The following FBXL13 variants were observed in gnomAD, a reference collection of about 807,000 sequenced individuals.
The protein encoded by FBXL13 is F-box and leucine rich repeat protein 13, also known as F-box and leucine-rich repeat protein 13.
Under a neutral mutation model 83.6 loss-of-function variants are expected in FBXL13, and 67 were observed. The observed-to-expected ratio is 0.80, with a 90% CI of 0.66 to 0.98. The LOEUF (loss-of-function observed/expected upper bound fraction) is 0.98, where lower values mean the gene tolerates loss of function less well. Among genes scored for constraint, FBXL13 ranks in the 50% least tolerant of loss-of-function variants. The pLI, the probability that FBXL13 is intolerant of heterozygous loss-of-function variation, is 0.00. For missense variants in FBXL13, 822 were observed against 866.5 expected, an observed-to-expected ratio of 0.95 and a Z score of 0.64; for synonymous variants, 272 against 299.5, an observed-to-expected ratio of 0.91 and a Z score of 0.95.
chr7:102,881,582 G>T (rs1352809829), intron 14 of FBXL13, among the ~76,000 whole-genome samples: 1 of 148,208 alleles, frequency 6.7e-6, no homozygotes. Flanking sequence ...GTGTGGGGGG[G>T]GTGGGTGTCT....
intron 6 of FBXL13, among the ~76,000 whole-genome samples, chr7:102,993,291 T>G (rs1031306092): frequency 6.6e-6 from 1 of 152,246 alleles, no homozygotes; most frequent in Non-Finnish European, 1.5e-5. Context: ...CATCTGGCTC[T>G]TTTACAACAT....
At chr7:103,025,018 A>T (rs779152538) in intron 6 of FBXL13, 45 bp downstream of exon 7, 5 of 1,470,874 alleles carry the variant, frequency 3.4e-6, no homozygotes. Context: ...GCACCACCAC[A>T]CTTGGCAGAT....
At chr7:103,024,316 C>T (rs1296037395) in intron 6 of FBXL13, among the ~76,000 whole-genome samples, 1 of 151,864 alleles carries the variant, frequency 6.6e-6, no homozygotes, top group African/African-American at 2.4e-5. Context: ...CACCTGAGGT[C>T]AGGAGTTTAA....
chr7:102,949,350 G>T (rs1326334810), intron 8 of FBXL13, among the ~76,000 whole-genome samples: 3 of 152,050 alleles, frequency 2.0e-5, no homozygotes, highest in Non-Finnish European at 2.9e-5. Context: ...GGGGTTTGTT[G>T]TACAGATAAT....
chr7:102,813,311 ATTTTTTGTTCTTCCTGC>A, exon 20 of FBXL13: 1 of 1,564,192 alleles, frequency 6.4e-7, no homozygotes, highest in Non-Finnish European at 8.6e-7. Flanking sequence ...CAAGTTCTTG[ATTTTTTGTTCTTCCTGC>A]TTGAGGCTGA....
intron 16 of FBXL13, among the ~76,000 whole-genome samples, chr7:102,864,602 C>T (rs1282286979): frequency 6.6e-6 from 1 of 152,114 alleles, no homozygotes; most frequent in East Asian, 1.9e-4. Flanking sequence ...CTCCTGACCT[C>T]AGGTAATCCA....
chr7:102,860,932 ATATG>A (rs776801936), intron 16 of FBXL13, among the ~76,000 whole-genome samples: 3 of 151,964 alleles, frequency 2.0e-5, no homozygotes, highest in African/African-American at 4.8e-5. Flanking sequence ...TTATTCATAT[ATATG>A]TATGAATAAA....
chr7:102,929,532 C>T (rs532704496), intron 9 of FBXL13, among the ~76,000 whole-genome samples: 3 of 152,100 alleles, frequency 2.0e-5, no homozygotes, highest in Admixed American at 6.5e-5. Flanking sequence ...GGTGCAGTGG[C>T]ACGTGCCTAT....
At chr7:102,953,733 C>G (rs1163790592) in intron 8 of FBXL13, among the ~76,000 whole-genome samples, 3 of 152,166 alleles carry the variant, frequency 2.0e-5, no homozygotes, top group Admixed American at 6.5e-5. Context: ...GCATGCCTTG[C>G]TATTTCTCAG....
intron 2 of FBXL13, among the ~76,000 whole-genome samples, chr7:103,030,872 T>C (rs1416490851): frequency 6.6e-6 from 1 of 152,202 alleles, no homozygotes; most frequent in Non-Finnish European, 1.5e-5. Context: ...TTTGTTGTTC[T>C]AATATTCATT....
At chr7:103,024,977 C>G (rs978354131) in intron 6 of FBXL13, 86 bp downstream of exon 7, 3 of 1,020,780 alleles carry the variant, frequency 2.9e-6, no homozygotes, top group Non-Finnish European at 4.0e-6. Flanking sequence ...TCTCCTGTCT[C>G]AGCCTCCCAA....
chr7:103,072,349 C>T (rs1799046564), intron 1 of FBXL13, among the ~76,000 whole-genome samples: 1 of 152,132 alleles, frequency 6.6e-6, no homozygotes, highest in South Asian at 2.1e-4. Context: ...TTTGCACTTC[C>T]TGCTAGTGTG....
At chr7:102,860,214 A>G (rs1205914142) in intron 16 of FBXL13, among the ~76,000 whole-genome samples, 1 of 152,174 alleles carries the variant, frequency 6.6e-6, no homozygotes, top group Non-Finnish European at 1.5e-5. Context: ...AGTCACTATA[A>G]TGAGGTTCCT....
intron 1 of FBXL13, among the ~76,000 whole-genome samples, chr7:103,058,069 G>A (rs1209494249): frequency 2.6e-5 from 4 of 152,108 alleles, no homozygotes; most frequent in African/African-American, 9.7e-5. Flanking sequence ...TAGACTCTCA[G>A]CAATTCTCAT....
At position 102,853,928 on chromosome 7, in the gene FBXL13, G is replaced by A. The variant is rs1166387218; in HGVS notation, c.1719+849C>T. 3.9e-5 allele frequency among the ~76,000 whole-genome samples: 6 copies of A among 152,164 alleles called. No individual in the cohort carries two copies. In the East Asian group the frequency reaches 9.6e-4, roughly 24 times the overall value. ...ACACTTTTACACTGTCGGTGGGACT[G>A]TAAACTAGTTCAACCATTGTGGAAG... On this transcript the variant is annotated intron_variant, in intron 17 of 19. Transcript: ENST00000313221.
intron 2 of FBXL13, among the ~76,000 whole-genome samples, chr7:103,039,704 G>A (rs980419887): frequency 6.6e-6 from 1 of 152,186 alleles, no homozygotes; most frequent in South Asian, 2.1e-4. Context: ...TTTCAACCCA[G>A]AATCTCATAT....
At chr7:102,882,093 T>G (rs1810175826) in intron 14 of FBXL13, among the ~76,000 whole-genome samples, 2 of 152,076 alleles carry the variant, frequency 1.3e-5, no homozygotes, top group South Asian at 4.1e-4. Context: ...AGACCCCGAC[T>G]CTAGAAAAAT....
intron 1 of FBXL13, among the ~76,000 whole-genome samples, chr7:103,057,284 T>C (rs1034729666): frequency 2.6e-5 from 4 of 152,128 alleles, no homozygotes; most frequent in African/African-American, 9.7e-5. Flanking sequence ...AACAATACAA[T>C]AAAGTCACTG....
intron 17 of FBXL13, among the ~76,000 whole-genome samples, chr7:102,850,593 C>T (rs1189094303): frequency 6.6e-6 from 1 of 152,130 alleles, no homozygotes; most frequent in Non-Finnish European, 1.5e-5. Flanking sequence ...ATGTTTAACC[C>T]TTAAGTTAAT....
Sources: allele counts gnomAD v4.1 joint callset (sites outside exome capture counted in the v4.1 genomes callset), GRCh38; gene constraint gnomAD v4.1.1; transcripts MANE v1.5; gene names NCBI Gene and HGNC (gene_info 2026-07-23, HGNC 2026-07-21).